The following SGCD variants were observed in gnomAD, a reference collection of about 807,000 sequenced individuals.
SGCD encodes sarcoglycan delta.
SGCD carries 18 observed loss-of-function variants against 36.6 expected under a neutral mutation model. That is an observed-to-expected ratio of 0.49 (90% confidence interval 0.34 to 0.73). The LOEUF (loss-of-function observed/expected upper bound fraction) is 0.73. Ranked by LOEUF, SGCD falls within the 30% of genes least tolerant of loss-of-function variation. The pLI, the probability that SGCD is intolerant of heterozygous loss-of-function variation, is 0.01. For synonymous variants in SGCD, 133 were observed against 130.6 expected (o/e 1.02, Z -0.12); for missense variants, 387 against 346.7 (o/e 1.12, Z -0.92).
chr5:156,430,775 A>T (rs1752969824), intron 3 of SGCD, among the ~76,000 whole-genome samples: 1 of 151,616 alleles, frequency 6.6e-6, no homozygotes, highest in African/African-American at 2.4e-5. Context: ...AGTTGAAGGG[A>T]TTATTTGTGT....
intron 3 of SGCD, among the ~76,000 whole-genome samples, chr5:156,229,590 T>G (rs1764960326): frequency 6.6e-6 from 1 of 151,984 alleles, no homozygotes; most frequent in African/African-American, 2.4e-5. Context: ...GTCTCACAGC[T>G]CTTAAGATTC....
chr5:155,743,509 T>C, the SGCD span, among the ~76,000 whole-genome samples: 10 of 152,240 alleles, frequency 6.6e-5, no homozygotes, highest in Non-Finnish European at 1.5e-4. Flanking sequence ...GTATAACATG[T>C]CATCAGAGAA....
chr5:156,677,097 A>G (rs1273853964), intron 7 of SGCD, among the ~76,000 whole-genome samples: 1 of 152,238 alleles, frequency 6.6e-6, no homozygotes, highest in Non-Finnish European at 1.5e-5. Context: ...TTTCCAGATG[A>G]GGAGTCAAAG....
At chr5:156,738,284 T>C (rs1227746345) in intron 7 of SGCD, among the ~76,000 whole-genome samples, 1 of 152,040 alleles carries the variant, frequency 6.6e-6, no homozygotes, top group East Asian at 1.9e-4. Flanking sequence ...GGATGGAGGG[T>C]ATGGGGAGGA....
At chr5:155,940,933 A>T (rs1176447916) in intron 1 of SGCD, among the ~76,000 whole-genome samples, 4 of 152,106 alleles carry the variant, frequency 2.6e-5, no homozygotes, top group Non-Finnish European at 4.4e-5. Context: ...TTTCATGAGG[A>T]GTGTCTTAGT....
At chr5:156,046,570 G>A (rs1025601461) in intron 1 of SGCD, among the ~76,000 whole-genome samples, 15 of 151,902 alleles carry the variant, frequency 9.9e-5, no homozygotes, top group East Asian at 9.6e-4. Flanking sequence ...ACCTGTTATG[G>A]CAATTTTTGG....
chr5:156,746,348 C>T (rs1232277222), intron 7 of SGCD, among the ~76,000 whole-genome samples: 1 of 152,150 alleles, frequency 6.6e-6, no homozygotes, highest in East Asian at 1.9e-4. Context: ...TGGGGGCTTA[C>T]CCCAGAAGGC....
rs114991058 is a variant in SGCD, at chr5:156,021,896, C to T, written c.-281-95982C>T. Among the ~76,000 whole-genome samples, 880 of 152,238 alleles carry T rather than the reference C, an allele frequency of 5.8e-3. 8 individuals are homozygous for T. Among genetic ancestry groups the T allele is most frequent in the African/African-American group, 0.021 (857 of 41,522 alleles). ...TCTTTATTCAGATGTAATTCACATG[C>T]TATACAGTTCATCCATTTAAAGTGT... On this transcript the variant is annotated intron_variant, in intron 1 of 9. Coordinates refer to the SGCD transcript ENST00000517913.
At chr5:156,418,848 C>T (rs1773168734) in intron 3 of SGCD, among the ~76,000 whole-genome samples, 1 of 152,184 alleles carries the variant, frequency 6.6e-6, no homozygotes, top group South Asian at 2.1e-4. Context: ...TTCCCTAGAG[C>T]TCTCTTCTAT....
intron 3 of SGCD, among the ~76,000 whole-genome samples, chr5:156,346,088 CCATCACT>C (rs1325661013): frequency 6.6e-6 from 1 of 151,962 alleles, no homozygotes; most frequent in Non-Finnish European, 1.5e-5. Context: ...ATGGCTTTGT[CCATCACT>C]CATGCTAGGG....
At chr5:156,708,814 A>G (rs1284188540) in intron 7 of SGCD, among the ~76,000 whole-genome samples, 1 of 152,218 alleles carries the variant, frequency 6.6e-6, no homozygotes, top group African/African-American at 2.4e-5. Context: ...CCAGAGGTTT[A>G]TATACCATTT....
At chr5:156,542,268 T>A (rs540997101) in intron 4 of SGCD, among the ~76,000 whole-genome samples, 14 of 152,198 alleles carry the variant, frequency 9.2e-5, no homozygotes, top group African/African-American at 2.9e-4. Flanking sequence ...TTAAAAAAAA[T>A]TATTTGGACA....
chr5:156,055,225 T>A (rs1162627441), intron 1 of SGCD, among the ~76,000 whole-genome samples: 1 of 146,128 alleles, frequency 6.8e-6, no homozygotes, highest in Admixed American at 6.8e-5. Flanking sequence ...TTTCTTTTTT[T>A]TCTTAAAAGA....
chr5:156,090,082 G>C (rs1161604119), intron 1 of SGCD, among the ~76,000 whole-genome samples: 1 of 152,130 alleles, frequency 6.6e-6, no homozygotes, highest in Non-Finnish European at 1.5e-5. Context: ...TGAGCTGTTC[G>C]ATTTGCTTTG....
At chr5:156,368,741 G>A (rs976608884) in intron 3 of SGCD, among the ~76,000 whole-genome samples, 8 of 152,152 alleles carry the variant, frequency 5.3e-5, no homozygotes, top group Non-Finnish European at 1.2e-4. Flanking sequence ...AGGGATCTAG[G>A]TTGTGCACTC....
At chr5:156,231,531 G>T (rs1398051697) in intron 3 of SGCD, among the ~76,000 whole-genome samples, 1 of 152,144 alleles carries the variant, frequency 6.6e-6, no homozygotes, top group Non-Finnish European at 1.5e-5. Flanking sequence ...GAAAGACTCT[G>T]TCTCAAATAA....
At chr5:155,803,238 G>A in the SGCD span, among the ~76,000 whole-genome samples, 2 of 152,148 alleles carry the variant, frequency 1.3e-5, no homozygotes, top group Non-Finnish European at 2.9e-5. Context: ...TCATTACATG[G>A]GCAATGGAAA....
At chr5:156,002,405 C>T (rs761245619) in intron 1 of SGCD, among the ~76,000 whole-genome samples, 1 of 152,158 alleles carries the variant, frequency 6.6e-6, no homozygotes, top group Non-Finnish European at 1.5e-5. Context: ...GCCACTCAGC[C>T]TTGTGGTATT....
intron 7 of SGCD, among the ~76,000 whole-genome samples, chr5:156,679,204 C>A (rs951231195): frequency 3.3e-5 from 5 of 152,106 alleles, no homozygotes; most frequent in Admixed American, 3.3e-4. Context: ...TTCTAAGGAC[C>A]TCCTTCTAGT....
Sources: allele counts gnomAD v4.1 joint callset (sites outside exome capture counted in the v4.1 genomes callset), GRCh38; gene constraint gnomAD v4.1.1; transcripts MANE v1.5; gene names NCBI Gene and HGNC (gene_info 2026-07-23, HGNC 2026-07-21).